Variants in SMARCA2 observed in about 807,000 individuals in gnomAD.
The protein encoded by SMARCA2 is SWI/SNF-related matrix-associated actin-dependent regulator of chromatin subfamily A member 2.
In SMARCA2, 61 loss-of-function variants were observed where a neutral mutation model predicts 199.8. The ratio of observed to expected loss-of-function variants is 0.31; its 90% CI spans 0.25 to 0.38. The LOEUF (loss-of-function observed/expected upper bound fraction) is 0.38. SMARCA2 is among the 10% of genes least tolerant of loss of function. The pLI, the probability that SMARCA2 is intolerant of heterozygous loss-of-function variation, is 1.00. For missense variants in SMARCA2, 1,344 were observed against 2,012.2 expected, an observed-to-expected ratio of 0.67 and a Z score of 6.35; for synonymous variants, 935 against 732.0, an observed-to-expected ratio of 1.28 and a Z score of -4.48.
chr9:2,020,128 A>C (rs1342367553), intron 1 of SMARCA2, among the ~76,000 whole-genome samples: 1 of 152,236 alleles, frequency 6.6e-6, no homozygotes, highest in Non-Finnish European at 1.5e-5. Context: ...TTAGAAAACT[A>C]TATGAGTTAC....
intron 5 of SMARCA2, among the ~76,000 whole-genome samples, chr9:2,048,338 C>T (rs1474584799): frequency 1.3e-5 from 2 of 152,106 alleles, no homozygotes. Flanking sequence ...AACTTCTTAC[C>T]GTGGCGAAGT....
At position 2,123,874 on chromosome 9, in the gene SMARCA2, G is replaced by T; in HGVS notation, c.3918G>T (p.Arg1306Ser). 1 of 1,603,976 alleles carries T rather than the reference G, an allele frequency of 6.2e-7. No homozygotes were observed. The highest frequency in any genetic ancestry group is 8.5e-7 in the Non-Finnish European group (1 of 1,175,528). ...CEEEEEKIFG[R>S]GSRQRRDVDY... ...AAGAGGAGGAGAAAATATTTGGGAGGGGGTCCCGCCAGCGCCGTGACGTGG... is the reference window on the plus strand; with the variant it reads ...AAGAGGAGGAGAAAATATTTGGGAGTGGGTCCCGCCAGCGCCGTGACGTGG... The change falls in exon 27 of 34, where the codon AGG (arginine) becomes AGT (serine). Residue 1306 changes from arginine (R) to serine (S), a missense_variant. Physicochemically the swap from Arg to Ser is moderately radical, Grantham distance 110. This residue lies in a region of SMARCA2 where 63 missense variants were observed against 83.3 expected (regional missense o/e 0.76). Coordinates refer to ENST00000349721, the MANE Select transcript of SMARCA2 (RefSeq NM_003070.5). The surrounding 1 kb of genome is among the most constrained non-coding windows in gnomAD (Gnocchi z 4.1).
intron 19 of SMARCA2, among the ~76,000 whole-genome samples, chr9:2,096,395 C>T (rs1822274868): frequency 6.6e-6 from 1 of 152,158 alleles, no homozygotes; most frequent in African/African-American, 2.4e-5. Context: ...AAATTTGGAA[C>T]CAAGTCAAGA....
chr9:2,026,922 C>T (rs944348503), intron 1 of SMARCA2, among the ~76,000 whole-genome samples: 5 of 152,166 alleles, frequency 3.3e-5, no homozygotes, highest in Non-Finnish European at 7.4e-5. Flanking sequence ...GAATTCAAGG[C>T]TGTAATTCAC....
intron 2 of SMARCA2, among the ~76,000 whole-genome samples, chr9:2,031,848 C>A (rs1287269239): frequency 1.3e-5 from 2 of 152,142 alleles, no homozygotes; most frequent in African/African-American, 4.8e-5. Flanking sequence ...TATTTCTTCT[C>A]TTATTCTTCC....
chr9:2,033,895 G>A (rs74390427), intron 3 of SMARCA2, among the ~76,000 whole-genome samples: 21,982 of 152,076 alleles, frequency 0.14, 1,847 homozygotes, highest in African/African-American at 0.22. Context: ...GCCATTCATT[G>A]GATTAGGGTC....
chr9:2,097,200 A>T, intron 20 of SMARCA2, 185 bp from the exon 21 acceptor site: 1 of 539,154 alleles, frequency 1.9e-6, no homozygotes, highest in African/African-American at 1.9e-5. Flanking sequence ...GTTAATCACA[A>T]GAAAGACATT....
At chr9:2,141,169 C>T (rs1272204667) in intron 27 of SMARCA2, among the ~76,000 whole-genome samples, 1 of 123,196 alleles carries the variant, frequency 8.1e-6, no homozygotes, top group African/African-American at 3.3e-5. Context: ...TTTTCCTGAG[C>T]CAAATTAGAC....
chr9:2,137,409 G>C (rs1308400869), intron 27 of SMARCA2, among the ~76,000 whole-genome samples: 10 of 152,102 alleles, frequency 6.6e-5, no homozygotes, highest in Admixed American at 5.9e-4. Flanking sequence ...GCCTTTGCCT[G>C]GTGCTGGATT....
chr9:2,142,486 C>T (rs1394167083), intron 27 of SMARCA2, among the ~76,000 whole-genome samples: 1 of 152,140 alleles, frequency 6.6e-6, no homozygotes, highest in East Asian at 1.9e-4. Context: ...GTCAGATAAA[C>T]AGCTTGGTTT....
intron 26 of SMARCA2, among the ~76,000 whole-genome samples, chr9:2,120,080 G>A (rs78366081): frequency 1.3e-5 from 2 of 152,204 alleles, no homozygotes; most frequent in African/African-American, 2.4e-5. Context: ...GATTGTTGAC[G>A]AGAGCCCGCT....
chr9:2,031,661 C>A (rs1013753298), intron 2 of SMARCA2, among the ~76,000 whole-genome samples: 1 of 152,052 alleles, frequency 6.6e-6, no homozygotes, highest in Non-Finnish European at 1.5e-5. Flanking sequence ...CTTAAATACT[C>A]CCTCTTTTTG....
intron 27 of SMARCA2, among the ~76,000 whole-genome samples, chr9:2,134,458 C>A (rs752424825): frequency 1.3e-5 from 2 of 152,186 alleles, no homozygotes; most frequent in African/African-American, 2.4e-5. Flanking sequence ...GTTATTAACT[C>A]TCTTTCCCCT....
chr9:2,144,296 C>T (rs554225432), intron 27 of SMARCA2, among the ~76,000 whole-genome samples: 11 of 152,112 alleles, frequency 7.2e-5, no homozygotes, highest in East Asian at 1.9e-4. Flanking sequence ...TTTCTGTTGG[C>T]GACCCCTGCG....
intron 1 of SMARCA2, among the ~76,000 whole-genome samples, chr9:2,019,311 A>G (rs908339292): frequency 2.6e-5 from 4 of 152,198 alleles, no homozygotes; most frequent in East Asian, 1.9e-4. Flanking sequence ...CTTATGACTT[A>G]TATCAGTAAC....
intron 4 of SMARCA2, chr9:2,043,029 G>A (rs1315026099): frequency 3.3e-5 from 5 of 151,850 alleles, no homozygotes; most frequent in African/African-American, 9.7e-5. Flanking sequence ...GATAAAATAA[G>A]GCATGATTTT....
intron 27 of SMARCA2, among the ~76,000 whole-genome samples, chr9:2,131,073 A>G (rs749436928): frequency 2.0e-5 from 3 of 152,124 alleles, no homozygotes; most frequent in Admixed American, 1.3e-4. Flanking sequence ...CCTTTCCTTA[A>G]AACATTTAGT....
chr9:2,160,221 T>A (rs893929447), intron 27 of SMARCA2: 2 of 392,752 alleles, frequency 5.1e-6, no homozygotes, highest in African/African-American at 2.0e-5. Flanking sequence ...CTTTTTTTTT[T>A]TTTTTCCTTT....
intron 5 of SMARCA2, among the ~76,000 whole-genome samples, chr9:2,052,319 C>A (rs1010838087): frequency 6.6e-6 from 1 of 152,120 alleles, no homozygotes; most frequent in Non-Finnish European, 1.5e-5. Flanking sequence ...ACTAAAAATA[C>A]AAAAATTAGC....
Sources: gnomAD v4.1 joint callset for allele counts (sites outside exome capture counted in the v4.1 genomes callset) on GRCh38, gnomAD v4.1.1 for gene constraint, gnomAD v4.1.1 regional missense constraint, Gnocchi (gnomAD v3.1) non-coding constraint, MANE v1.5 for transcripts, NCBI Gene and HGNC (gene_info 2026-07-23, HGNC 2026-07-21) for gene names.